The following KCNIP3 variants were observed in gnomAD, a reference collection of about 807,000 sequenced individuals.
KCNIP3 encodes potassium voltage-gated channel interacting protein 3.
Under a neutral mutation model 35.0 loss-of-function variants are expected in KCNIP3, and 28 were observed. The ratio of observed to expected loss-of-function variants is 0.80; its 90% CI spans 0.59 to 1.10. KCNIP3 has a LOEUF of 1.10. Among genes scored for constraint, KCNIP3 ranks in the 50% least tolerant of loss-of-function variants. The probability of loss-of-function intolerance (pLI) is 0.00; values close to 1 mark genes in which losing one functional copy is unlikely to be tolerated. For synonymous variants in KCNIP3, 134 were observed against 133.8 expected (o/e 1.00, Z -0.01); for missense variants, 295 against 338.4 (o/e 0.87, Z 1.01).
intron 2 of KCNIP3, among the ~76,000 whole-genome samples, chr2:95,366,519 G>A (rs1022579523): frequency 3.3e-5 from 5 of 152,138 alleles, no homozygotes; most frequent in African/African-American, 1.2e-4. Flanking sequence ...GAATATAGTA[G>A]CTTTCATTTC....
chr2:95,297,470 TG>T lies in KCNIP3; in HGVS notation c.15+21del. On this transcript the variant is annotated intron_variant, in intron 1 of 8. Coordinates refer to ENST00000295225, the MANE Select transcript of KCNIP3 (RefSeq NM_013434.5). ...CCGGCTAAGGTAGGTGCTGGGGGAA[TG>T]GGGTCTTGCTCTGGAGGGGGGTCGG... 1.9e-6 allele frequency: 1 copy of T among 533,742 alleles called. No homozygotes were observed. Among genetic ancestry groups the T allele is most frequent in the Non-Finnish European group, 2.6e-6 (1 of 385,338 alleles). 33.1% of individuals were successfully genotyped at this position (533,742 alleles called of 1,614,324 possible). A position where few individuals can be genotyped will look rare whatever the true frequency, so the allele number is the denominator to read the frequency against.
intron 1 of KCNIP3, chr2:95,303,616 C>G (rs1212648061): frequency 6.6e-6 from 1 of 152,534 alleles, no homozygotes; most frequent in African/African-American, 2.4e-5. Context: ...CCTGGGCATC[C>G]CTCGCCTCCC....
Position 95,382,938 on chromosome 2 carries a change from A to T in KCNIP3, c.661-294A>T, listed in dbSNP as rs1680384771. Among the ~76,000 whole-genome samples, 1 of 152,102 alleles carries T rather than the reference A, an allele frequency of 6.6e-6. No homozygotes were observed. The highest frequency in any genetic ancestry group is 6.5e-5 in the Admixed American group (1 of 15,290). On this transcript the variant is annotated intron_variant, in intron 7 of 8. Coordinates refer to ENST00000295225, the MANE Select transcript of KCNIP3 (RefSeq NM_013434.5). This position sits in a 1 kb window ranked among gnomAD's most constrained non-coding sequence, Gnocchi z 4.5. ...CTCAGGGAGGTGAGGCGGTCAGATG[A>T]GCATGGGGACAAATTCTGGGAAACC...
At chr2:95,366,678 A>G (rs907002473) in intron 2 of KCNIP3, among the ~76,000 whole-genome samples, 4 of 151,910 alleles carry the variant, frequency 2.6e-5, no homozygotes, top group African/African-American at 9.7e-5. Flanking sequence ...GCATCCCCCC[A>G]CTGCAAGCGC....
intron 2 of KCNIP3, among the ~76,000 whole-genome samples, chr2:95,326,320 G>A (rs1179933582): frequency 6.6e-6 from 1 of 151,592 alleles, no homozygotes; most frequent in Non-Finnish European, 1.5e-5. Flanking sequence ...ACACACACAC[G>A]TGTAAACACA....
chr2:95,347,337 G>T (rs1240331481), intron 2 of KCNIP3, among the ~76,000 whole-genome samples: 1 of 152,198 alleles, frequency 6.6e-6, no homozygotes, highest in Non-Finnish European at 1.5e-5. Flanking sequence ...GGCTGGGTGT[G>T]AGTGAGGCGC....
rs1285766530 is a variant in KCNIP3, at chr2:95,376,514, G to A, written c.447+1306G>A. ...GGTGGCAGCCCTCTGGGCTGGGTCT[G>A]TCAGTGGCTGTGCTGTGGCCCCTCT... On this transcript the variant is annotated intron_variant, in intron 5 of 8. Coordinates refer to ENST00000295225, the MANE Select transcript of KCNIP3 (RefSeq NM_013434.5). This position sits in a 1 kb window ranked among gnomAD's most constrained non-coding sequence, Gnocchi z 4.2. Among the ~76,000 whole-genome samples, 1 of 152,244 alleles carries A rather than the reference G, an allele frequency of 6.6e-6. No individual in the cohort carries two copies. The highest frequency in any genetic ancestry group is 1.5e-5 in the Non-Finnish European group (1 of 68,046).
chr2:95,374,183 A>AT, intron 2 of KCNIP3, 113 bp from the exon 3 acceptor site: 1 of 1,332,392 alleles, frequency 7.5e-7, no homozygotes, highest in East Asian at 2.3e-5. Flanking sequence ...CATGGTAGTC[A>AT]TGCAAAGAGA....
intron 2 of KCNIP3, among the ~76,000 whole-genome samples, chr2:95,347,705 C>T (rs997439309): frequency 6.6e-6 from 1 of 152,254 alleles, no homozygotes; most frequent in Non-Finnish European, 1.5e-5. Context: ...CCCCCTGGGG[C>T]CCTTCCATGG....
At chr2:95,329,606 G>A (rs568816519) in intron 2 of KCNIP3, among the ~76,000 whole-genome samples, 49 of 152,336 alleles carry the variant, frequency 3.2e-4, no homozygotes, top group Non-Finnish European at 5.4e-4. Flanking sequence ...CTCCATCACC[G>A]CTGGTCTCAC....
At chr2:95,325,656 GAT>G (rs1558763562) in intron 2 of KCNIP3, among the ~76,000 whole-genome samples, 1 of 149,080 alleles carries the variant, frequency 6.7e-6, no homozygotes, top group Non-Finnish European at 1.5e-5. Flanking sequence ...CACACAAATA[GAT>G]ACACACTCAT....
At chr2:95,312,554 CTGCAT>C (rs1472294352) in intron 2 of KCNIP3, 1 of 152,382 alleles carries the variant, frequency 6.6e-6, no homozygotes, top group African/African-American at 2.4e-5. Flanking sequence ...GTTTGTTCCC[CTGCAT>C]GGATGTGTTT....
At position 95,344,364 on chromosome 2, in the gene KCNIP3, G is replaced by A. The variant is rs574233255; in HGVS notation, c.182-29932G>A. On this transcript the variant is annotated intron_variant, in intron 2 of 8. Transcript: ENST00000295225. ...GGAGTGTGATAAGACCCTCAGCCCA[G>A]CCTCAGTGGGCCTACGCTGGTGAGT... Among the ~76,000 whole-genome samples, 22 of 152,290 alleles carry A rather than the reference G, an allele frequency of 1.4e-4. 1 individual carries two copies. The South Asian group carries it at 4.4e-3, about 30-fold the overall frequency.
rs919972999 is a variant in KCNIP3, at chr2:95,381,637, C to T, written c.489C>T (p.Val163=). The T allele has an allele frequency of 3.1e-6, 5 of 1,614,014 alleles. No individual in the cohort carries two copies. The African/African-American group carries it at 6.7e-5, about 22-fold the overall frequency. ...VGLSILLRGT[V]HEKLKWAFNL... is the part of the protein sequence containing the mutation. ...TCTCCATCCTGCTGCGGGGCACAGTCCACGAGAAGCTCAAGTGGGCCTTTA... is the reference window on the plus strand; with the variant it reads ...TCTCCATCCTGCTGCGGGGCACAGTTCACGAGAAGCTCAAGTGGGCCTTTA... Residue 163 remains valine, a synonymous_variant, in exon 6 of 9, where the codon GTC becomes GTT. Coordinates refer to ENST00000295225, the MANE Select transcript of KCNIP3 (RefSeq NM_013434.5).
chr2:95,301,687 A>G (rs1208579557), intron 1 of KCNIP3, among the ~76,000 whole-genome samples: 1 of 152,082 alleles, frequency 6.6e-6, no homozygotes, highest in Non-Finnish European at 1.5e-5. Flanking sequence ...GGCCACCAAG[A>G]GGCAATTTGG....
chr2:95,318,190 A>T (rs1678505156), intron 2 of KCNIP3, among the ~76,000 whole-genome samples: 1 of 152,084 alleles, frequency 6.6e-6, no homozygotes, highest in Non-Finnish European at 1.5e-5. Context: ...GGGCCCAGGG[A>T]GGGAGAGCAG....
At chr2:95,297,532 C>T (rs1677897885) in intron 1 of KCNIP3, 79 bp downstream of exon 1, 1 of 1,152,286 alleles carries the variant, frequency 8.7e-7, no homozygotes, top group Non-Finnish European at 1.2e-6. Flanking sequence ...TTGCTCTGGA[C>T]CAGGAAGCCT....
chr2:95,299,788 C>T (rs1406017831), intron 1 of KCNIP3, among the ~76,000 whole-genome samples: 1 of 152,262 alleles, frequency 6.6e-6, no homozygotes, highest in Non-Finnish European at 1.5e-5. Context: ...TCAAAAGACC[C>T]CAGGCTGCAC....
At chr2:95,352,510 A>G (rs1679552322) in intron 2 of KCNIP3, among the ~76,000 whole-genome samples, 1 of 152,004 alleles carries the variant, frequency 6.6e-6, no homozygotes, top group Admixed American at 6.5e-5. Flanking sequence ...CCAGCACTGG[A>G]CTTAGCAGCC....
Sources: allele counts gnomAD v4.1 joint callset (sites outside exome capture counted in the v4.1 genomes callset), GRCh38; gene constraint gnomAD v4.1.1; non-coding constraint Gnocchi (gnomAD v3.1); transcripts MANE v1.5; gene names NCBI Gene and HGNC (gene_info 2026-07-23, HGNC 2026-07-21).